ABHD17C: variants seen among roughly 807,000 people sequenced by gnomAD.
ABHD17C encodes the protein alpha/beta hydrolase domain-containing protein 17C.
In ABHD17C, 11 loss-of-function variants were observed where a neutral mutation model predicts 27.9. The observed-to-expected ratio is 0.39, with a 90% CI of 0.25 to 0.65. ABHD17C has a LOEUF of 0.65. ABHD17C is among the 30% of genes least tolerant of loss of function. ABHD17C has a pLI of 0.45. For missense variants in ABHD17C, 280 were observed against 470.2 expected, an observed-to-expected ratio of 0.60 and a Z score of 3.74; for synonymous variants, 233 against 209.1, an observed-to-expected ratio of 1.11 and a Z score of -0.98.
chr15:80,714,985 G>A (rs940637705), intron 1 of ABHD17C, among the ~76,000 whole-genome samples: 6 of 152,144 alleles, frequency 3.9e-5, no homozygotes, highest in Non-Finnish European at 7.4e-5. Context: ...AATACACAGC[G>A]TTAGCCAGGA....
chr15:80,748,805 C>G (rs557202054), intron 1 of ABHD17C, among the ~76,000 whole-genome samples: 3 of 151,318 alleles, frequency 2.0e-5, no homozygotes, highest in Admixed American at 6.6e-5. Context: ...AAAGCATGAC[C>G]TGGAGGTTGC....
chr15:80,723,481 C>T (rs1290417993), intron 1 of ABHD17C, among the ~76,000 whole-genome samples: 2 of 152,172 alleles, frequency 1.3e-5, no homozygotes, highest in Non-Finnish European at 2.9e-5. Context: ...GGCCTATGCT[C>T]ATTATCTCTT....
chr15:80,707,523 C>T (rs1894663609), intron 1 of ABHD17C, among the ~76,000 whole-genome samples: 1 of 151,950 alleles, frequency 6.6e-6, no homozygotes, highest in Non-Finnish European at 1.5e-5. Context: ...TTGTCTTGGG[C>T]CACACATGAA....
chr15:80,696,297 C>T (rs1353183120), intron 1 of ABHD17C, among the ~76,000 whole-genome samples: 3 of 152,256 alleles, frequency 2.0e-5, no homozygotes, highest in Admixed American at 1.3e-4. Flanking sequence ...GGCCCACCGG[C>T]TGGGTCTTTT....
chr15:80,724,084 T>A (rs1025586557), intron 1 of ABHD17C, among the ~76,000 whole-genome samples: 1 of 152,044 alleles, frequency 6.6e-6, no homozygotes, highest in African/African-American at 2.4e-5. Flanking sequence ...ACACCTGTAA[T>A]CCTTGATATT....
intron 1 of ABHD17C, among the ~76,000 whole-genome samples, chr15:80,730,748 C>T (rs377301234): frequency 5.7e-4 from 87 of 152,242 alleles, no homozygotes; most frequent in African/African-American, 1.9e-3. Context: ...GCAAAAGAAA[C>T]GGAATCTGCT....
In ABHD17C at chr15:80,734,507, A is replaced by G. The variant is rs116557133; in HGVS notation, c.591-15006A>G. Among the ~76,000 whole-genome samples, 566 of 152,332 alleles carry G rather than the reference A, an allele frequency of 3.7e-3. 5 individuals carry two copies. Among genetic ancestry groups the G allele is most frequent in the African/African-American group, 0.013 (548 of 41,578 alleles). ...CAGATAAGTTCAAGCAAATTATTCT[A>G]TTTTACTTGTAGCAGATCCAAAGAG... On this transcript the variant is annotated intron_variant, in intron 1 of 2. Coordinates refer to ENST00000258884, the MANE Select transcript of ABHD17C (RefSeq NM_021214.2).
chr15:80,697,481 T>C (rs563191124), intron 1 of ABHD17C, among the ~76,000 whole-genome samples: 2 of 152,360 alleles, frequency 1.3e-5, no homozygotes, highest in Non-Finnish European at 2.9e-5. Flanking sequence ...GTAGATTTTT[T>C]AATTGAAGAG....
chr15:80,716,008 A>G (rs1188408041), intron 1 of ABHD17C, among the ~76,000 whole-genome samples: 2 of 152,198 alleles, frequency 1.3e-5, no homozygotes, highest in African/African-American at 2.4e-5. Flanking sequence ...ATGATAACCT[A>G]TATTAAATAA....
At position 80,702,350 on chromosome 15, in the gene ABHD17C, C is replaced by T. The variant is rs1333990073; in HGVS notation, c.590+6331C>T. 5.3e-5 allele frequency among the ~76,000 whole-genome samples: 8 copies of T among 152,012 alleles called. No individual in the cohort carries two copies. In the East Asian group the frequency reaches 1.4e-3, roughly 26 times the overall value. ...CTTGTCTCTACAAAAAATAAATTAG[C>T]TGGGCATGGTGGCTCATGCCTGTAG... On this transcript the variant is annotated intron_variant, in intron 1 of 2. Coordinates refer to ENST00000258884, the MANE Select transcript of ABHD17C (RefSeq NM_021214.2).
intron 1 of ABHD17C, among the ~76,000 whole-genome samples, chr15:80,729,159 A>G (rs1303195432): frequency 3.9e-5 from 6 of 152,174 alleles, no homozygotes; most frequent in African/African-American, 1.4e-4. Context: ...TAACCACTGG[A>G]GGAATAAATT....
At chr15:80,698,908 C>G (rs1156832273) in intron 1 of ABHD17C, among the ~76,000 whole-genome samples, 2 of 152,232 alleles carry the variant, frequency 1.3e-5, no homozygotes, top group African/African-American at 2.4e-5. Flanking sequence ...GAGAGCTTGC[C>G]TTGTTCTGAG....
At chr15:80,748,759 A>C (rs1317450865) in intron 1 of ABHD17C, among the ~76,000 whole-genome samples, 1 of 149,622 alleles carries the variant, frequency 6.7e-6, no homozygotes, top group East Asian at 1.9e-4. Context: ...ACCACCAGGA[A>C]GGCGGAAGGC....
At chr15:80,751,028 G>T (rs1056209987) in intron 2 of ABHD17C, among the ~76,000 whole-genome samples, 1 of 151,690 alleles carries the variant, frequency 6.6e-6, no homozygotes, top group African/African-American at 2.4e-5. Context: ...TCATGTTCAT[G>T]GTCCCCCTTC....
intron 1 of ABHD17C, among the ~76,000 whole-genome samples, chr15:80,718,039 T>A (rs1280429947): frequency 6.6e-6 from 1 of 152,082 alleles, no homozygotes; most frequent in African/African-American, 2.4e-5. Context: ...GAAAAATAAA[T>A]AAATAGTTAA....
chr15:80,696,831 C>T (rs34769775), intron 1 of ABHD17C, among the ~76,000 whole-genome samples: 45,827 of 152,110 alleles, frequency 0.3, 7,305 homozygotes, highest in African/African-American at 0.4. Flanking sequence ...AAAAACCTGA[C>T]TTTTATTCAC....
At chr15:80,714,841 T>G (rs1188509382) in intron 1 of ABHD17C, among the ~76,000 whole-genome samples, 2 of 152,232 alleles carry the variant, frequency 1.3e-5, no homozygotes, top group African/African-American at 4.8e-5. Flanking sequence ...TGGATTTCTT[T>G]TCTCAGAAAT....
chr15:80,751,619 A>G (rs1190832872), intron 2 of ABHD17C, among the ~76,000 whole-genome samples: 2 of 152,180 alleles, frequency 1.3e-5, no homozygotes, highest in Non-Finnish European at 2.9e-5. Context: ...ATAGTGGTAC[A>G]CATCTGTAGT....
chr15:80,744,615 C>T (rs1017283175), intron 1 of ABHD17C, among the ~76,000 whole-genome samples: 2 of 152,190 alleles, frequency 1.3e-5, no homozygotes, highest in African/African-American at 2.4e-5. Flanking sequence ...CTTTGAAAAA[C>T]GCTGGCAGTT....
Sources: allele counts gnomAD v4.1 joint callset (sites outside exome capture counted in the v4.1 genomes callset), GRCh38; gene constraint gnomAD v4.1.1; transcripts MANE v1.5; gene names NCBI Gene and HGNC (gene_info 2026-07-23, HGNC 2026-07-21).